The following SV2B variants were observed in gnomAD, a reference collection of about 807,000 sequenced individuals.
SV2B encodes the protein solute carrier family 22 member B2.
SV2B carries 41 observed loss-of-function variants against 73.9 expected under a neutral mutation model. That is an observed-to-expected ratio of 0.56 (90% CI 0.43 to 0.72). SV2B has a LOEUF of 0.72. Among genes scored for constraint, SV2B ranks in the 30% least tolerant of loss-of-function variants. The probability of loss-of-function intolerance (pLI) is 0.00; values close to 1 mark genes in which losing one functional copy is unlikely to be tolerated. For missense variants in SV2B, 764 were observed against 857.8 expected, an observed-to-expected ratio of 0.89 and a Z score of 1.37; for synonymous variants, 314 against 314.2, an observed-to-expected ratio of 1.00 and a Z score of 0.01.
chr15:91,284,809 G>C lies in SV2B; in HGVS notation c.1708+588G>C, dbSNP rs2048804629. 6.6e-6 allele frequency among the ~76,000 whole-genome samples: 1 copy of C among 152,132 alleles called. No individual in the cohort carries two copies. The highest frequency in any genetic ancestry group is 1.5e-5 in the Non-Finnish European group (1 of 68,026). On this transcript the variant is annotated intron_variant, in intron 11 of 12. Transcript: ENST00000394232. The surrounding 1 kb of genome is among the most constrained non-coding windows in gnomAD (Gnocchi z 4.5). The stretch of plus-strand genomic sequence containing the variant: ...TGAACATAAGGTACCTGTAACACTT[G>C]GCACATCGTCGGTTCTCAAAAATGG...
At chr15:91,133,746 G>C (rs1596458145) in intron 1 of SV2B, among the ~76,000 whole-genome samples, 1 of 152,106 alleles carries the variant, frequency 6.6e-6, no homozygotes, top group Non-Finnish European at 1.5e-5. Flanking sequence ...TGGCAACAAA[G>C]TCTTTGACTG....
At chr15:91,116,481 T>C (rs1416356932) in intron 1 of SV2B, among the ~76,000 whole-genome samples, 1 of 152,200 alleles carries the variant, frequency 6.6e-6, no homozygotes, top group Non-Finnish European at 1.5e-5. Context: ...GAGAATGAGG[T>C]GTGCTCTGCA....
chr15:91,103,240 A>G (rs1351746416), intron 1 of SV2B, among the ~76,000 whole-genome samples: 1 of 152,236 alleles, frequency 6.6e-6, no homozygotes, highest in Non-Finnish European at 1.5e-5. Flanking sequence ...CAGGAAGCAC[A>G]GGAATTAAGG....
chr15:91,195,550 G>A (rs529241573), intron 1 of SV2B, among the ~76,000 whole-genome samples: 8 of 152,308 alleles, frequency 5.3e-5, no homozygotes, highest in African/African-American at 1.7e-4. Context: ...GGGTTGTTGC[G>A]AGGAATAAGC....
At position 91,221,693 on chromosome 15, in the gene SV2B, G is replaced by GCGCGCACACA. The variant is rs370290337; in HGVS notation, c.-391-4179_-391-4178insGCGCACACAC. Among the ~76,000 whole-genome samples the GCGCGCACACA allele has an allele frequency of 1.4e-3, 196 of 140,158 alleles. 1 individual carries two copies. Among genetic ancestry groups the GCGCGCACACA allele is most frequent in the Middle Eastern group, 3.6e-3 (1 of 280 alleles). The allele number at this position is 140,158 out of a possible 152,430, so 91.9% of individuals were successfully genotyped here. The stretch of plus-strand genomic sequence containing the variant: ...CTGTGGACTATTACCAAGCATGTGC[G>GCGCGCACACA]CACACACACACACACACACACACAC... On this transcript the variant is annotated intron_variant, in intron 1 of 12. Coordinates refer to ENST00000394232, the MANE Select transcript of SV2B (RefSeq NM_001323032.3).
rs1028456885 is a variant in SV2B, at chr15:91,136,997, C to T, written c.-392+36634C>T. Among the ~76,000 whole-genome samples the T allele has an allele frequency of 3.9e-5, 6 of 152,094 alleles. No individual in the cohort carries two copies. In the South Asian group the frequency reaches 6.2e-4, roughly 16 times the overall value. Reference sequence around the variant, plus strand: ...AAATTTGATCCACGCAGAAGACAACCTGCAGGCAAAGCAAAAGCACTGGTA... The same window carrying T: ...AAATTTGATCCACGCAGAAGACAACTTGCAGGCAAAGCAAAAGCACTGGTA... On this transcript the variant is annotated intron_variant, in intron 1 of 12. Coordinates refer to ENST00000394232, the MANE Select transcript of SV2B (RefSeq NM_001323032.3). This position sits in a 1 kb window ranked among gnomAD's most constrained non-coding sequence, Gnocchi z 5.6.
At chr15:91,221,693 G>GCGCGCGCGCGCGCGCACACACACACA (rs370290337) in intron 1 of SV2B, among the ~76,000 whole-genome samples, 19 of 140,158 alleles carry the variant, frequency 1.4e-4, no homozygotes, top group African/African-American at 5.0e-4. Context: ...AAGCATGTGC[G>GCGCGCGCGCGCGCGCACACACACACA]CACACACACA....
chr15:91,191,047 G>A (rs950883675), intron 1 of SV2B, among the ~76,000 whole-genome samples: 2 of 100,166 alleles, frequency 2.0e-5, no homozygotes, highest in Non-Finnish European at 4.3e-5. Context: ...TTACCCTGGT[G>A]GTTTTTTTGG....
chr15:91,166,254 G>A (rs575005166), intron 1 of SV2B, among the ~76,000 whole-genome samples: 1 of 152,266 alleles, frequency 6.6e-6, no homozygotes, highest in Admixed American at 6.5e-5. Context: ...AAAGTTGGAA[G>A]CATCTGATCT....
rs1446507695 is a variant in SV2B, at chr15:91,241,127, A to G, written c.452-10692A>G. Among the ~76,000 whole-genome samples, 1 of 152,102 alleles carries G rather than the reference A, an allele frequency of 6.6e-6. No homozygotes were observed. Among genetic ancestry groups the G allele is most frequent in the Non-Finnish European group, 1.5e-5 (1 of 68,018 alleles). ...TTGTCCTTGGAGATTTTAATAAGTG[A>G]TTTCCATTATCCTGGTCTGTCGTTT... On this transcript the variant is annotated intron_variant, in intron 2 of 12. Coordinates refer to ENST00000394232, the MANE Select transcript of SV2B (RefSeq NM_001323032.3). This position sits in a 1 kb window ranked among gnomAD's most constrained non-coding sequence, Gnocchi z 4.8.
At position 91,295,674 on chromosome 15, in the gene SV2B, C is replaced by T. The variant is rs368916388; in HGVS notation, c.*3122C>T. The T allele has an allele frequency of 1.3e-5, 2 of 152,308 alleles. No individual in the cohort carries two copies. The highest frequency in any genetic ancestry group is 2.9e-5 in the Non-Finnish European group (2 of 68,022). 9.4% of individuals were successfully genotyped at this position (152,308 alleles called of 1,614,324 possible). A position where few individuals can be genotyped will look rare whatever the true frequency, so the allele number is the denominator to read the frequency against. ...GGAATGGGACAATGTGACAAATACTCGCCATTCCCTGAGACCATTCATTGA... is the reference window on the plus strand; with the variant it reads ...GGAATGGGACAATGTGACAAATACTTGCCATTCCCTGAGACCATTCATTGA... On this transcript the variant is annotated 3_prime_UTR_variant, in exon 13 of 13. Coordinates refer to ENST00000394232, the MANE Select transcript of SV2B (RefSeq NM_001323032.3).
intron 1 of SV2B, among the ~76,000 whole-genome samples, chr15:91,117,464 A>G (rs142789686): frequency 6.6e-6 from 1 of 152,354 alleles, no homozygotes; most frequent in East Asian, 1.9e-4. Context: ...AACTATATTT[A>G]TCTTACTTAT....
intron 1 of SV2B, among the ~76,000 whole-genome samples, chr15:91,199,637 G>T (rs375117094): frequency 1.3e-5 from 2 of 152,212 alleles, no homozygotes; most frequent in Non-Finnish European, 2.9e-5. Flanking sequence ...GCCTGTCGCC[G>T]TTGAAGCAGA....
At position 91,295,289 on chromosome 15, in the gene SV2B, G is replaced by C. The variant is rs1242086346; in HGVS notation, c.*2737G>C. ...ATTAAAAATAATTAGTGAAAGAGGTGTGCCTATCTGTGAAGTTTGTAGTAC... is the reference window on the plus strand; with the variant it reads ...ATTAAAAATAATTAGTGAAAGAGGTCTGCCTATCTGTGAAGTTTGTAGTAC... On this transcript the variant is annotated 3_prime_UTR_variant, in exon 13 of 13. Coordinates refer to ENST00000394232, the MANE Select transcript of SV2B (RefSeq NM_001323032.3). 2 of 152,140 alleles carry C rather than the reference G, an allele frequency of 1.3e-5. No individual in the cohort carries two copies. The highest frequency in any genetic ancestry group is 4.8e-5 in the African/African-American group (2 of 41,416). 9.4% of individuals were successfully genotyped at this position (152,140 alleles called of 1,614,324 possible). A position where few individuals can be genotyped will look rare whatever the true frequency, so the allele number is the denominator to read the frequency against.
intron 1 of SV2B, among the ~76,000 whole-genome samples, chr15:91,198,165 T>G (rs2045320993): frequency 6.6e-6 from 1 of 152,180 alleles, no homozygotes; most frequent in African/African-American, 2.4e-5. Context: ...TGCTTCAATT[T>G]TTATCTGTAG....
rs2046270310 is a variant in SV2B at position 91,223,148 on chromosome 15, T to A, written c.-391-2725T>A. On this transcript the variant is annotated intron_variant, in intron 1 of 12. Transcript: ENST00000394232. This position sits in a 1 kb window ranked among gnomAD's most constrained non-coding sequence, Gnocchi z 4.6. ...GAGCGTGTCTGTCTCTGTGTCCTTT[T>A]GTGAAGACACCAGTCATATTGGATT... 6.6e-6 allele frequency among the ~76,000 whole-genome samples: 1 copy of A among 152,196 alleles called. No homozygotes were observed. Among genetic ancestry groups the A allele is most frequent in the Non-Finnish European group, 1.5e-5 (1 of 68,038 alleles).
At position 91,261,198 on chromosome 15, in the gene SV2B, G is replaced by A. The variant is rs1047864168; in HGVS notation, c.1008+789G>A. Among the ~76,000 whole-genome samples, 1 of 152,048 alleles carries A rather than the reference G, an allele frequency of 6.6e-6. No individual in the cohort carries two copies. The highest frequency in any genetic ancestry group is 2.4e-5 in the African/African-American group (1 of 41,382). On this transcript the variant is annotated intron_variant, in intron 6 of 12. Coordinates refer to ENST00000394232, the MANE Select transcript of SV2B (RefSeq NM_001323032.3). This position sits in a 1 kb window ranked among gnomAD's most constrained non-coding sequence, Gnocchi z 4.7. Reference sequence around the variant, plus strand: ...GAATTGCTTGAACCCAGGATGCAGAGGTTGCAGTGAGCTGAGATAGTGCCA... The same window carrying A: ...GAATTGCTTGAACCCAGGATGCAGAAGTTGCAGTGAGCTGAGATAGTGCCA...
At chr15:91,189,967 G>A (rs62025251) in intron 1 of SV2B, among the ~76,000 whole-genome samples, 1 of 151,870 alleles carries the variant, frequency 6.6e-6, no homozygotes, top group African/African-American at 2.4e-5. Flanking sequence ...CAGCCTGGGC[G>A]ACAGAGCGAG....
At chr15:91,119,958 A>G (rs2042284875) in intron 1 of SV2B, among the ~76,000 whole-genome samples, 1 of 152,268 alleles carries the variant, frequency 6.6e-6, no homozygotes, top group African/African-American at 2.4e-5. Context: ...AGCTCCGCAT[A>G]TATTGAAGAT....
Sources: gnomAD v4.1 joint callset for allele counts (sites outside exome capture counted in the v4.1 genomes callset) on GRCh38, gnomAD v4.1.1 for gene constraint, Gnocchi (gnomAD v3.1) non-coding constraint, MANE v1.5 for transcripts, NCBI Gene and HGNC (gene_info 2026-07-23, HGNC 2026-07-21) for gene names.